The following ANKS6 variants were observed in gnomAD, a reference collection of about 807,000 sequenced individuals.
ANKS6 encodes ankyrin repeat and SAM domain-containing protein 6.
ANKS6 carries 47 observed loss-of-function variants against 77.9 expected under a neutral mutation model. The ratio of observed to expected loss-of-function variants is 0.60; its 90% CI spans 0.48 to 0.77. ANKS6 has a LOEUF of 0.77. ANKS6 is among the 30% of genes least tolerant of loss of function. The pLI is 0.00. For missense variants in ANKS6, 1,150 were observed against 1,159.1 expected (o/e 0.99, Z 0.11); for synonymous variants, 488 against 501.7 (o/e 0.97, Z 0.37).
At chr9:98,774,159 G>T in intron 8 of ANKS6, 79 bp from the exon 9 acceptor site, 1 of 1,259,278 alleles carries the variant, frequency 7.9e-7, no homozygotes, top group Non-Finnish European at 1.0e-6. Flanking sequence ...TGTTTTTCCT[G>T]CTTCTTGGGG....
intron 13 of ANKS6, 85 bp from the exon 14 acceptor site, chr9:98,745,760 T>C (rs1177433799): frequency 3.1e-6 from 3 of 970,252 alleles, no homozygotes; most frequent in East Asian, 4.8e-5. Flanking sequence ...GATTATGAGC[T>C]ATGAGTGCTT....
Position 98,790,330 on chromosome 9 carries a change from C to T in ANKS6, c.636G>A (p.Glu212=). 1 of 1,610,988 alleles carries T rather than the reference C, an allele frequency of 6.2e-7. No individual in the cohort carries two copies. Among genetic ancestry groups the T allele is most frequent in the Non-Finnish European group, 8.5e-7 (1 of 1,178,466 alleles). Residue 212 remains glutamate, a synonymous_variant, in exon 2 of 15, where the codon GAG becomes GAA. Transcript: ENST00000353234. Reference sequence around the variant, plus strand: ...CTGCGTGGTTGGGGTCCGCGCCCCACTCCATCAGTAGACGCACCACGGCCT... The same window carrying T: ...CTGCGTGGTTGGGGTCCGCGCCCCATTCCATCAGTAGACGCACCACGGCCT... ...GHEAVVRLLM[E]WGADPNHAAR...
intron 13 of ANKS6, among the ~76,000 whole-genome samples, chr9:98,750,382 T>C (rs1456091566): frequency 2.6e-5 from 4 of 152,186 alleles, no homozygotes; most frequent in South Asian, 4.1e-4. Context: ...CAAATAACAT[T>C]CCATGGCACA....
chr9:98,743,583 T>C (rs760755877), intron 14 of ANKS6, among the ~76,000 whole-genome samples: 1 of 152,176 alleles, frequency 6.6e-6, no homozygotes, highest in South Asian at 2.1e-4. Flanking sequence ...CAGCCCCGAT[T>C]CTAAGCCAGC....
chr9:98,769,822 G>A (rs934128123), intron 10 of ANKS6, among the ~76,000 whole-genome samples: 1 of 152,162 alleles, frequency 6.6e-6, no homozygotes, highest in Non-Finnish European at 1.5e-5. Context: ...TAATTCATTC[G>A]AAGGGCTTGG....
rs554653567 is a variant in ANKS6 at position 98,793,692 on chromosome 9, G to A, written c.359+2441C>T. ...CGTGCCACCATGCCCGTGCCACCAC[G>A]CCCAGCTAATTTTTGTATTTTTAGT... On this transcript the variant is annotated intron_variant, in intron 1 of 14. Transcript: ENST00000353234. 2.3e-3 allele frequency among the ~76,000 whole-genome samples: 344 copies of A among 151,262 alleles called. 1 individual carries two copies. Among genetic ancestry groups the A allele is most frequent in the African/African-American group, 7.8e-3 (323 of 41,342 alleles).
rs141183382 is a variant in ANKS6 at position 98,750,713 on chromosome 9, A to G, written c.2394+316T>C. Among the ~76,000 whole-genome samples, 61 of 152,318 alleles carry G rather than the reference A, an allele frequency of 4.0e-4. 1 individual carries two copies. Among genetic ancestry groups the G allele is most frequent in the African/African-American group, 1.4e-3 (59 of 41,574 alleles). ...ACATAACACAGGTTCCTTAGGGTTT[A>G]CTATTAGCTCACTTTAAGCCTATAA... is the stretch of plus-strand genomic sequence containing the variant. On this transcript the variant is annotated intron_variant, in intron 13 of 14. Coordinates refer to ENST00000353234, the MANE Select transcript of ANKS6 (RefSeq NM_173551.5).
chr9:98,782,579 A>G lies in ANKS6; in HGVS notation c.1113-6T>C, dbSNP rs755236556. On this transcript the variant is annotated splice_region_variant and splice_polypyrimidine_tract_variant and intron_variant, in intron 4 of 14. Transcript: ENST00000353234. ...ATTTCACAATTTCCTTATTCCTGGG[A>G]AAAAATGCTAGAGTTACATTCACTG... 2.5e-6 allele frequency: 4 copies of G among 1,610,450 alleles called. No individual in the cohort carries two copies. The highest frequency in any genetic ancestry group is 3.4e-6 in the Non-Finnish European group (4 of 1,176,780).
At chr9:98,747,056 A>T (rs1832173258) in intron 13 of ANKS6, among the ~76,000 whole-genome samples, 1 of 152,182 alleles carries the variant, frequency 6.6e-6, no homozygotes, top group African/African-American at 2.4e-5. Context: ...ATCACAAACA[A>T]TCCCACCACA....
chr9:98,737,422 T>C (rs1180178334), intron 14 of ANKS6, among the ~76,000 whole-genome samples: 2 of 152,068 alleles, frequency 1.3e-5, no homozygotes, highest in African/African-American at 2.4e-5. Flanking sequence ...AGCTCTTCTA[T>C]ACAACAACAG....
At chr9:98,740,377 C>T (rs1246636592) in intron 14 of ANKS6, among the ~76,000 whole-genome samples, 4 of 152,222 alleles carry the variant, frequency 2.6e-5, no homozygotes, top group African/African-American at 7.2e-5. Flanking sequence ...GCATTGGATG[C>T]CAAGTCAGAG....
At chr9:98,793,287 G>A (rs561074012) in intron 1 of ANKS6, among the ~76,000 whole-genome samples, 11 of 152,368 alleles carry the variant, frequency 7.2e-5, no homozygotes, top group African/African-American at 2.6e-4. Context: ...ATGGCTGGGA[G>A]CACAGGCTCT....
In ANKS6 at chr9:98,733,668, T is replaced by C. The variant is rs548031136; in HGVS notation, c.*2851A>G. 1.4e-4 allele frequency: 140 copies of C among 985,414 alleles called. 2 individuals carry two copies. In the South Asian group the frequency reaches 5.9e-3, roughly 42 times the overall value. The allele number at this position is 985,414 out of a possible 1,614,324, so 61.0% of individuals were successfully genotyped here. ...CCTTGGAGAAGTGATGAGAGTAATGTGGGAGATGCTATGAGTTTCTTGGCC... is the reference window on the plus strand; with the variant it reads ...CCTTGGAGAAGTGATGAGAGTAATGCGGGAGATGCTATGAGTTTCTTGGCC... On this transcript the variant is annotated 3_prime_UTR_variant, in exon 15 of 15. Transcript: ENST00000353234.
rs1319045213 is a variant in ANKS6 at position 98,770,932 on chromosome 9, C to T, written c.1936G>A (p.Val646Met). The change falls in exon 10 of 15, where the codon GTG becomes ATG. Residue 646 changes from valine to methionine, a missense_variant. Physicochemically the swap from Val to Met is conservative, Grantham distance 21. Coordinates refer to ENST00000353234, the MANE Select transcript of ANKS6 (RefSeq NM_173551.5). ...HSSGGSSGVG[V>M]SRHGGELLNR... ...AGCAGCTCCCCACCGTGCCGGCTCA[C>T]ACCTACCCCACTGGAGCCGCCCGAT... The T allele has an allele frequency of 3.8e-6, 6 of 1,585,414 alleles. 1 individual carries two copies. The highest frequency in any genetic ancestry group is 4.3e-6 in the Non-Finnish European group (5 of 1,165,240).
chr9:98,775,999 C>G (rs962367539), intron 8 of ANKS6, among the ~76,000 whole-genome samples: 1 of 152,146 alleles, frequency 6.6e-6, no homozygotes, highest in Non-Finnish European at 1.5e-5. Flanking sequence ...TCTGGGAGCC[C>G]CCTCTGCTCC....
rs570853099 is a variant in ANKS6 at position 98,734,256 on chromosome 9, C to T, written c.*2263G>A. On this transcript the variant is annotated 3_prime_UTR_variant, in exon 15 of 15. Transcript: ENST00000353234. ...GGCATTGTCTGGAGCCTCTGCTGTCCTGTCTGCAAAATGGGAATAGCCCCG... is the reference window on the plus strand; with the variant it reads ...GGCATTGTCTGGAGCCTCTGCTGTCTTGTCTGCAAAATGGGAATAGCCCCG... 3 of 985,502 alleles carry T rather than the reference C, an allele frequency of 3.0e-6. No homozygotes were observed. The African/African-American group carries it at 5.2e-5, about 17-fold the overall frequency. The allele number at this position is 985,502 out of a possible 1,614,324, so 61.0% of individuals were successfully genotyped here.
chr9:98,733,799 G>A lies in ANKS6; in HGVS notation c.*2720C>T, dbSNP rs1430447998. 3.0e-6 allele frequency: 3 copies of A among 985,284 alleles called. No individual in the cohort carries two copies. The highest frequency in any genetic ancestry group is 1.1e-4 in the East Asian group (1 of 8,806). 61.0% of individuals were successfully genotyped at this position (985,284 alleles called of 1,614,324 possible). On this transcript the variant is annotated 3_prime_UTR_variant, in exon 15 of 15. Coordinates refer to ENST00000353234, the MANE Select transcript of ANKS6 (RefSeq NM_173551.5). ...GTGTCTGCCAAACCTACTCAACCAGGGAACCTCACCCCACTTTCACATACA... is the reference window on the plus strand; with the variant it reads ...GTGTCTGCCAAACCTACTCAACCAGAGAACCTCACCCCACTTTCACATACA...
chr9:98,749,226 G>T (rs999628521), intron 13 of ANKS6, among the ~76,000 whole-genome samples: 2 of 152,202 alleles, frequency 1.3e-5, no homozygotes, highest in African/African-American at 4.8e-5. Context: ...GTAGAGACAA[G>T]GGCACTGCCT....
intron 6 of ANKS6, 128 bp from the exon 7 acceptor site, chr9:98,778,552 C>T (rs1834049494): frequency 5.0e-6 from 4 of 797,308 alleles, no homozygotes; most frequent in Non-Finnish European, 8.0e-6. Flanking sequence ...GGGGCCCAGA[C>T]AGACATTACT....
Sources: gnomAD v4.1 joint callset for allele counts (sites outside exome capture counted in the v4.1 genomes callset) on GRCh38, gnomAD v4.1.1 for gene constraint, MANE v1.5 for transcripts, NCBI Gene and HGNC (gene_info 2026-07-23, HGNC 2026-07-21) for gene names.